Variants in RASAL2 observed in about 807,000 individuals in gnomAD.
The protein encoded by RASAL2 is ras GTPase-activating protein nGAP.
In RASAL2, 58 loss-of-function variants were observed where a neutral mutation model predicts 128.9. The observed-to-expected ratio is 0.45, with a 90% CI of 0.36 to 0.56. The LOEUF (loss-of-function observed/expected upper bound fraction) is 0.56, where lower values mean the gene tolerates loss of function less well. Ranked by LOEUF, RASAL2 falls within the 20% of genes least tolerant of loss-of-function variation. The pLI, the probability that RASAL2 is intolerant of heterozygous loss-of-function variation, is 0.00. For synonymous variants in RASAL2, 561 were observed against 580.8 expected (o/e 0.97, Z 0.49); for missense variants, 1,360 against 1,601.6 (o/e 0.85, Z 2.57).
chr1:178,433,052 C>A (rs549917905), intron 5 of RASAL2, among the ~76,000 whole-genome samples: 1 of 152,176 alleles, frequency 6.6e-6, no homozygotes, highest in South Asian at 2.1e-4. Context: ...CTCTCTCAAA[C>A]GTCATTATTC....
chr1:178,359,802 A>C (rs1394193086), intron 3 of RASAL2, among the ~76,000 whole-genome samples: 1 of 152,144 alleles, frequency 6.6e-6, no homozygotes, highest in East Asian at 1.9e-4. Flanking sequence ...TGTTGAATTA[A>C]TTTCTCCTGT....
At chr1:178,419,197 C>A (rs533613590) in intron 4 of RASAL2, among the ~76,000 whole-genome samples, 2 of 152,268 alleles carry the variant, frequency 1.3e-5, no homozygotes, top group Admixed American at 1.3e-4. Flanking sequence ...TGATATTCAT[C>A]TCAAGAAAGA....
At chr1:178,119,919 T>C (rs1000079696) in intron 1 of RASAL2, among the ~76,000 whole-genome samples, 2 of 152,230 alleles carry the variant, frequency 1.3e-5, no homozygotes, top group African/African-American at 4.8e-5. Context: ...TGAAAGTTCA[T>C]GACAGTTGTC....
intron 1 of RASAL2, among the ~76,000 whole-genome samples, chr1:178,141,900 C>T (rs1204808178): frequency 6.6e-6 from 1 of 151,970 alleles, no homozygotes; most frequent in Non-Finnish European, 1.5e-5. Flanking sequence ...GTGGGGTTTC[C>T]TTTAGAAAAA....
At chr1:178,298,628 A>G (rs1437690853) in intron 2 of RASAL2, among the ~76,000 whole-genome samples, 1 of 152,230 alleles carries the variant, frequency 6.6e-6, no homozygotes, top group Admixed American at 6.5e-5. Context: ...ATACATGTCC[A>G]TTATAATCAT....
chr1:178,443,067 T>A lies in RASAL2; in HGVS notation c.1320T>A (p.Thr440=). 6.2e-7 allele frequency: 1 copy of A among 1,614,036 alleles called. No homozygotes were observed. Among genetic ancestry groups the A allele is most frequent in the South Asian group, 1.1e-5 (1 of 91,082 alleles). Residue 440 remains threonine (T), a synonymous_variant, in exon 8 of 18, where the codon ACT becomes ACA. Transcript: ENST00000367649. ...TTCGGATTAAATCACGTTTCCAAAC[T>A]ATCACCATTCTGCCTATGGAGCAAT... ...PSIRIKSRFQ[T]ITILPMEQYK... is the part of the protein sequence containing the mutation.
intron 3 of RASAL2, among the ~76,000 whole-genome samples, chr1:178,375,019 G>T (rs910630814): frequency 6.6e-6 from 1 of 152,118 alleles, no homozygotes; most frequent in African/African-American, 2.4e-5. Flanking sequence ...TGGTAATTCA[G>T]ACGACAGTGG....
intron 1 of RASAL2, among the ~76,000 whole-genome samples, chr1:178,155,528 TA>T (rs570423346): frequency 7.9e-5 from 12 of 151,798 alleles, no homozygotes; most frequent in Admixed American, 1.3e-4. Flanking sequence ...TACATTGCCT[TA>T]AAAAAAATCT....
intron 1 of RASAL2, among the ~76,000 whole-genome samples, chr1:178,139,732 C>G (rs931088874): frequency 6.6e-6 from 1 of 150,646 alleles, no homozygotes; most frequent in Non-Finnish European, 1.5e-5. Flanking sequence ...TTTTTTTTAA[C>G]GTGGATTTTT....
intron 1 of RASAL2, among the ~76,000 whole-genome samples, chr1:178,167,377 A>G (rs1272645090): frequency 6.6e-6 from 1 of 152,172 alleles, no homozygotes; most frequent in East Asian, 1.9e-4. Context: ...AGATAGAAAT[A>G]GTTTCAAATA....
At position 178,376,898 on chromosome 1, in the gene RASAL2, T is replaced by TC. The variant is rs546627647; in HGVS notation, c.458-13199dup. 5.4e-3 allele frequency among the ~76,000 whole-genome samples: 820 copies of TC among 152,284 alleles called. 4 individuals carry two copies. The highest frequency in any genetic ancestry group is 7.1e-3 in the Non-Finnish European group (485 of 67,994). On this transcript the variant is annotated intron_variant, in intron 3 of 17. Coordinates refer to ENST00000367649, the MANE Select transcript of RASAL2 (RefSeq NM_170692.4). ...TTATTCTGTCAGATCCAGCTTTTTT[T>TC]CCCTCTTATTCTACTACTATTCTGT...
At chr1:178,470,859 C>G (rs1648194449) in intron 17 of RASAL2, 2 of 568,416 alleles carry the variant, frequency 3.5e-6, no homozygotes, top group Non-Finnish European at 5.6e-6. Context: ...AGATTGCTTT[C>G]CCTTACAATC....
chr1:178,355,300 G>A (rs940533435), intron 3 of RASAL2, among the ~76,000 whole-genome samples: 1 of 152,164 alleles, frequency 6.6e-6, no homozygotes, highest in Admixed American at 6.5e-5. Flanking sequence ...CAATGGAACA[G>A]AATAAAGAGT....
intron 1 of RASAL2, among the ~76,000 whole-genome samples, chr1:178,207,012 T>G (rs1558114860): frequency 6.6e-6 from 1 of 151,946 alleles, no homozygotes; most frequent in Non-Finnish European, 1.5e-5. Flanking sequence ...TTGTCTTTCC[T>G]AAAAATAAAA....
chr1:178,473,421 A>G lies in RASAL2; in HGVS notation c.*182A>G, dbSNP rs756025640. On this transcript the variant is annotated 3_prime_UTR_variant, in exon 18 of 18. Transcript: ENST00000367649. ...CATAAGGCGGCGACTTCCAAGGTCA[A>G]TGCTTTTCCCCCACATCTCTATGTA... The G allele has an allele frequency of 5.4e-5, 37 of 689,704 alleles. No homozygotes were observed. Among genetic ancestry groups the G allele is most frequent in the African/African-American group, 9.0e-5 (5 of 55,346 alleles). 42.7% of individuals were successfully genotyped at this position (689,704 alleles called of 1,614,324 possible). A position where few individuals can be genotyped will look rare whatever the true frequency, so the allele number is the denominator to read the frequency against.
rs749044284 is a variant in RASAL2 at position 178,367,085 on chromosome 1, A to G, written c.458-23015A>G. On this transcript the variant is annotated intron_variant, in intron 3 of 17. Transcript: ENST00000367649. ...TGAATTATATTTCAATAAAGCTCTT[A>G]TTTTAAAAAAGTAAAACCTTGCCCA... Among the ~76,000 whole-genome samples, 10 of 152,198 alleles carry G rather than the reference A, an allele frequency of 6.6e-5. 1 individual carries two copies. Among genetic ancestry groups the G allele is most frequent in the Non-Finnish European group, 1.5e-4 (10 of 68,018 alleles).
chr1:178,465,588 A>T (rs1467426668), intron 15 of RASAL2, among the ~76,000 whole-genome samples: 1 of 152,010 alleles, frequency 6.6e-6, no homozygotes, highest in Non-Finnish European at 1.5e-5. Context: ...CACAGATTGG[A>T]TGTGGCTTAT....
chr1:178,128,144 C>T (rs1212568758), intron 1 of RASAL2, among the ~76,000 whole-genome samples: 3 of 151,986 alleles, frequency 2.0e-5, no homozygotes, highest in South Asian at 2.1e-4. Flanking sequence ...CATCACTACC[C>T]GAGTATTTAT....
At chr1:178,168,934 AT>A (rs1417688936) in intron 1 of RASAL2, among the ~76,000 whole-genome samples, 1 of 152,010 alleles carries the variant, frequency 6.6e-6, no homozygotes, top group African/African-American at 2.4e-5. Context: ...AGATTTATTC[AT>A]TTTTTAACTG....
Sources: allele counts gnomAD v4.1 joint callset (sites outside exome capture counted in the v4.1 genomes callset), GRCh38; gene constraint gnomAD v4.1.1; transcripts MANE v1.5; gene names NCBI Gene and HGNC (gene_info 2026-07-23, HGNC 2026-07-21).